The following LITAF variants were observed in gnomAD, a reference collection of about 807,000 sequenced individuals.
LITAF encodes lipopolysaccharide induced TNF factor, also known as lipopolysaccharide-induced tumor necrosis factor-alpha factor.
A neutral mutation model predicts 14.5 loss-of-function variants in LITAF; 9 were observed. That is an observed-to-expected ratio of 0.62 (90% confidence interval 0.37 to 1.08). LITAF has a LOEUF of 1.08. Among genes scored for constraint, LITAF ranks in the 50% least tolerant of loss-of-function variants. The pLI, the probability that LITAF is intolerant of heterozygous loss-of-function variation, is 0.01. For synonymous variants in LITAF, 98 were observed against 88.2 expected (o/e 1.11, Z -0.62); for missense variants, 206 against 213.4 (o/e 0.97, Z 0.22).
chr16:11,564,480 C>T (rs1411631995), intron 1 of LITAF, among the ~76,000 whole-genome samples: 1 of 152,134 alleles, frequency 6.6e-6, no homozygotes, highest in Admixed American at 6.6e-5. Flanking sequence ...CATCCTACTC[C>T]TTGCGCGCCC....
chr16:11,587,956 C>A (rs1347978632), upstream of LITAF, among the ~76,000 whole-genome samples: 1 of 152,122 alleles, frequency 6.6e-6, no homozygotes, highest in Non-Finnish European at 1.5e-5. Flanking sequence ...CCCTCCGGTG[C>A]CCAAATCCCA....
upstream of LITAF, chr16:11,587,499 A>G (rs1424165313): frequency 6.6e-6 from 3 of 453,262 alleles, no homozygotes; most frequent in South Asian, 3.1e-5. Flanking sequence ...CAAAATGGGC[A>G]CAATAGCGGT....
chr16:11,576,154 A>G (rs2064628796), intron 1 of LITAF, among the ~76,000 whole-genome samples: 1 of 152,054 alleles, frequency 6.6e-6, no homozygotes, highest in Non-Finnish European at 1.5e-5. Context: ...AAGCCACTGC[A>G]CTCAGCCTTA....
At chr16:11,599,134 G>A (rs559291520), upstream of LITAF, among the ~76,000 whole-genome samples, 13 of 141,492 alleles carry the variant, frequency 9.2e-5, no homozygotes, top group African/African-American at 2.7e-4. Context: ...ATGGGGGGGT[G>A]GGGGGACAGA....
intron 1 of LITAF, chr16:11,575,612 T>TA (rs2064619666): frequency 6.6e-6 from 1 of 152,294 alleles, no homozygotes; most frequent in Non-Finnish European, 1.5e-5. Flanking sequence ...GTTCAGAGTC[T>TA]AAAAATAAGC....
intron 1 of LITAF, among the ~76,000 whole-genome samples, chr16:11,573,454 G>A (rs1597349177): frequency 6.6e-6 from 1 of 152,252 alleles, no homozygotes; most frequent in East Asian, 1.9e-4. Context: ...CCCCACATGT[G>A]GCTGAAATGA....
chr16:11,633,077 C>A (rs1020556020), intron 3 of LITAF, among the ~76,000 whole-genome samples: 1 of 152,204 alleles, frequency 6.6e-6, no homozygotes, highest in African/African-American at 2.4e-5. Context: ...GTCACCCCTG[C>A]ATACACATAA....
Position 11,553,392 on chromosome 16 carries a change from CAGAACCAGATTCCA to C in LITAF, c.377+127_377+140del, listed in dbSNP as rs2064212237. ...CCCCACTGTACTCCAGCCTGGGCGA[CAGAACCAGATTCCA>C]TCTCAAAAAAAAACAACACAAATGT... On this transcript the variant is annotated intron_variant, in intron 3 of 3. Transcript: ENST00000622633. The surrounding 1 kb of genome is among the most constrained non-coding windows in gnomAD (Gnocchi z 7.7). 8 of 941,246 alleles carry C rather than the reference CAGAACCAGATTCCA, an allele frequency of 8.5e-6. No individual in the cohort carries two copies. Among genetic ancestry groups the C allele is most frequent in the Non-Finnish European group, 1.3e-5 (8 of 614,976 alleles). 58.3% of individuals were successfully genotyped at this position (941,246 alleles called of 1,614,324 possible). A position where few individuals can be genotyped will look rare whatever the true frequency, so the allele number is the denominator to read the frequency against.
At chr16:11,569,316 C>G (rs1377503914) in intron 1 of LITAF, among the ~76,000 whole-genome samples, 1 of 152,088 alleles carries the variant, frequency 6.6e-6, no homozygotes, top group African/African-American at 2.4e-5. Flanking sequence ...GCATAGCTCA[C>G]CACAGGCTCC....
intron 1 of LITAF, among the ~76,000 whole-genome samples, chr16:11,594,663 G>T (rs1351684605): frequency 6.6e-6 from 1 of 152,054 alleles, no homozygotes; most frequent in Non-Finnish European, 1.5e-5. Flanking sequence ...ATCGCTTGAG[G>T]CTAAGAGTTT....
chr16:11,621,632 T>G (rs989669385), intron 3 of LITAF, among the ~76,000 whole-genome samples: 3 of 152,164 alleles, frequency 2.0e-5, no homozygotes, highest in African/African-American at 7.2e-5. Context: ...CCAGCCCCCT[T>G]GCCCCTCAGG....
chr16:11,624,178 C>A (rs950429620), intron 3 of LITAF, among the ~76,000 whole-genome samples: 5 of 152,156 alleles, frequency 3.3e-5, no homozygotes, highest in African/African-American at 1.2e-4. Context: ...CCTCTGCTCT[C>A]CTCTGTGATT....
chr16:11,614,470 T>C (rs1237890018), intron 3 of LITAF, among the ~76,000 whole-genome samples: 2 of 151,968 alleles, frequency 1.3e-5, no homozygotes, highest in South Asian at 2.1e-4. Context: ...CGGCTAATTT[T>C]TGTATTTTTA....
chr16:11,547,918 A>T lies in LITAF; in HGVS notation c.*1719T>A. 2 of 454,158 alleles carry T rather than the reference A, an allele frequency of 4.4e-6. No homozygotes were observed. Among genetic ancestry groups the T allele is most frequent in the South Asian group, 3.1e-5 (2 of 64,476 alleles). 28.1% of individuals were successfully genotyped at this position (454,158 alleles called of 1,614,324 possible). ...CGGGAAGGATTTTCTACCGTTACTG[A>T]ACAAATAAAGGTTCTTTGTAGCAAT... On this transcript the variant is annotated 3_prime_UTR_variant, in exon 4 of 4. Transcript: ENST00000622633.
At chr16:11,573,447 C>T (rs1024887046) in intron 1 of LITAF, among the ~76,000 whole-genome samples, 2 of 152,162 alleles carry the variant, frequency 1.3e-5, no homozygotes, top group East Asian at 3.8e-4. Flanking sequence ...CAATAACCCC[C>T]ACATGTGGCT....
chr16:11,568,783 G>A (rs2064497744), intron 1 of LITAF, among the ~76,000 whole-genome samples: 1 of 151,000 alleles, frequency 6.6e-6, no homozygotes, highest in South Asian at 2.1e-4. Flanking sequence ...GGGTTCAAGC[G>A]ATTCTCTCAC....
intron 3 of LITAF, among the ~76,000 whole-genome samples, chr16:11,550,151 C>T (rs748008688): frequency 1.1e-4 from 16 of 152,132 alleles, no homozygotes; most frequent in Non-Finnish European, 1.6e-4. Context: ...CTCGCTCTGT[C>T]GCCCAGGGTT....
intron 1 of LITAF, among the ~76,000 whole-genome samples, chr16:11,585,452 A>G (rs775721527): frequency 1.9e-4 from 29 of 152,272 alleles, no homozygotes; most frequent in Middle Eastern, 6.8e-3. Flanking sequence ...TCCCAGAGCA[A>G]GGGCTGGTGG....
chr16:11,637,996 A>ATATATATCTATATATATCTATATATATC (rs2065147258), upstream of LITAF, among the ~76,000 whole-genome samples: 3 of 66,436 alleles, frequency 4.5e-5, no homozygotes, highest in Non-Finnish European at 8.1e-5. Flanking sequence ...ATATATATCT[A>ATATATATCTATATATATCTATATATATC]TATATATCTA....
Sources: allele counts gnomAD v4.1 joint callset (sites outside exome capture counted in the v4.1 genomes callset), GRCh38; gene constraint gnomAD v4.1.1; non-coding constraint Gnocchi (gnomAD v3.1); transcripts MANE v1.5; gene names NCBI Gene and HGNC (gene_info 2026-07-23, HGNC 2026-07-21).